CPZ: variants seen among roughly 807,000 people sequenced by gnomAD.
CPZ encodes the protein VEZT/CPZ fusion.
CPZ carries 103 observed loss-of-function variants against 61.8 expected under a neutral mutation model. The observed-to-expected ratio is 1.67, with a 90% CI of 1.42 to 1.96. CPZ has a LOEUF of 1.96. Among genes scored for constraint, CPZ ranks in the 30% most tolerant of loss-of-function variants. The probability of loss-of-function intolerance (pLI) is 0.00; values close to 1 mark genes in which losing one functional copy is unlikely to be tolerated. For missense variants in CPZ, 1,461 were observed against 914.9 expected (o/e 1.60, Z -7.70); for synonymous variants, 551 against 373.7 (o/e 1.47, Z -5.47).
chr4:8,613,103 A>G (rs1715850954), intron 8 of CPZ, among the ~76,000 whole-genome samples: 1 of 149,248 alleles, frequency 6.7e-6, no homozygotes, highest in Non-Finnish European at 1.5e-5. Flanking sequence ...GACACCCACG[A>G]GCAGAGCTGG....
intron 8 of CPZ, among the ~76,000 whole-genome samples, chr4:8,613,755 G>A (rs1034215313): frequency 2.0e-5 from 3 of 152,238 alleles, no homozygotes; most frequent in Non-Finnish European, 4.4e-5. Flanking sequence ...TTGCTCTGAG[G>A]CCTTCTCGGC....
At chr4:8,614,231 G>A (rs979097761) in intron 8 of CPZ, 128 bp from the exon 9 acceptor site, 47 of 1,315,924 alleles carry the variant, frequency 3.6e-5, no homozygotes, top group Admixed American at 4.8e-5. Flanking sequence ...ACACCCCGAC[G>A]TCCCGGCTGT....
At chr4:8,608,737 G>A (rs546644056) in intron 7 of CPZ, among the ~76,000 whole-genome samples, 4 of 152,008 alleles carry the variant, frequency 2.6e-5, no homozygotes, top group Non-Finnish European at 4.4e-5. Flanking sequence ...CTGAGGTGGC[G>A]GTTTCCCAAA....
Position 8,601,251 on chromosome 4 carries a change from G to C in CPZ, c.250G>C (p.Val84Leu). Residue 84 changes from valine to leucine, a missense_variant, in exon 3 of 11, where the codon GTT (valine) becomes CTT (leucine). By Grantham distance (32) the Val-to-Leu change is conservative (BLOSUM62 1). Coordinates refer to ENST00000360986, the MANE Select transcript of CPZ (RefSeq NM_001014447.3). ...EASSEYILLSVLHQLLEGQCN... is the reference protein window; with the variant it reads ...EASSEYILLSLLHQLLEGQCN... Reference sequence around the variant, plus strand: ...CAGCTCCGAGTACATCCTGCTGAGCGTTCTACACCAGCTCCTGGAAGGCCA... The same window carrying C: ...CAGCTCCGAGTACATCCTGCTGAGCCTTCTACACCAGCTCCTGGAAGGCCA... 2 of 1,613,580 alleles carry C rather than the reference G, an allele frequency of 1.2e-6. No individual in the cohort carries two copies. The highest frequency in any genetic ancestry group is 1.7e-6 in the Non-Finnish European group (2 of 1,179,948).
chr4:8,601,367 C>T lies in CPZ; in HGVS notation c.366C>T (p.Cys122=), dbSNP rs143245050. The T allele has an allele frequency of 9.1e-4, 1,449 of 1,600,734 alleles. 2 individuals are homozygous for T. Among genetic ancestry groups the T allele is most frequent in the Non-Finnish European group, 1.2e-3 (1,376 of 1,171,670 alleles). Residue 122 remains cysteine (C), a synonymous_variant, in exon 3 of 11, where the codon TGC becomes TGT. Coordinates refer to ENST00000360986, the MANE Select transcript of CPZ (RefSeq NM_001014447.3). ...GWVRRPCRHI[C]EGLREVCQPA... is the part of the protein sequence containing the mutation. ...TGCGCAGACCCTGCCGGCACATCTG[C>T]GAGGGCCTGCGGGAGGTCTGCCAGC...
At chr4:8,609,901 A>C (rs1715509533) in intron 7 of CPZ, among the ~76,000 whole-genome samples, 1 of 152,140 alleles carries the variant, frequency 6.6e-6, no homozygotes, top group African/African-American at 2.4e-5. Context: ...GGGGTGTGCC[A>C]AGGTACCCTT....
At chr4:8,598,301 G>A (rs375549034) in intron 1 of CPZ, among the ~76,000 whole-genome samples, 1 of 152,218 alleles carries the variant, frequency 6.6e-6, no homozygotes, top group Non-Finnish European at 1.5e-5. Context: ...GGAGCTGCCT[G>A]GCCACAGAGC....
chr4:8,616,705 G>A (rs959598832), intron 9 of CPZ, among the ~76,000 whole-genome samples: 10 of 152,172 alleles, frequency 6.6e-5, no homozygotes, highest in Non-Finnish European at 1.2e-4. Context: ...GTGGCTGAGG[G>A]GCATGGTGGC....
intron 1 of CPZ, chr4:8,597,686 C>T (rs1490385732): frequency 3.9e-5 from 6 of 152,304 alleles, no homozygotes; most frequent in Non-Finnish European, 8.8e-5. Flanking sequence ...TGCTCTCCCA[C>T]ACTCAGCACA....
intron 7 of CPZ, 56 bp from the exon 8 acceptor site, chr4:8,611,971 T>G: frequency 6.2e-7 from 1 of 1,611,578 alleles, no homozygotes; most frequent in Non-Finnish European, 8.5e-7. Context: ...TGACCCCAGC[T>G]CACAGGACGT....
intron 9 of CPZ, 90 bp from the exon 10 acceptor site, chr4:8,618,339 T>C (rs1469593465): frequency 1.6e-6 from 2 of 1,265,688 alleles, no homozygotes; most frequent in Non-Finnish European, 2.3e-6. Flanking sequence ...GATACCAAGC[T>C]CTGAGGAGCA....
chr4:8,609,059 A>ACTCC (rs149657285), intron 7 of CPZ, among the ~76,000 whole-genome samples: 1 of 117,930 alleles, frequency 8.5e-6, no homozygotes, highest in Non-Finnish European at 1.7e-5. Context: ...TCCCTCCCTC[A>ACTCC]CTCCCTCACT....
intron 7 of CPZ, among the ~76,000 whole-genome samples, chr4:8,608,523 C>A (rs947524671): frequency 6.6e-6 from 1 of 152,158 alleles, no homozygotes; most frequent in Non-Finnish European, 1.5e-5. Context: ...CTGGGGCCAT[C>A]ATTGGGAATG....
intron 4 of CPZ, 77 bp downstream of exon 4, chr4:8,604,265 G>A: frequency 7.3e-7 from 1 of 1,376,634 alleles, no homozygotes; most frequent in Non-Finnish European, 9.7e-7. Context: ...GGGTGCACAA[G>A]TTGGTGGGGT....
At chr4:8,607,155 G>C (rs1325479408) in intron 6 of CPZ, 112 bp from the exon 7 acceptor site, 128 of 1,316,552 alleles carry the variant, frequency 9.7e-5, no homozygotes, top group Non-Finnish European at 1.2e-4. Context: ...TTGATGTAGA[G>C]ACCGTTAATA....
intron 1 of CPZ, among the ~76,000 whole-genome samples, chr4:8,594,122 G>A (rs1311087682): frequency 6.6e-6 from 1 of 152,228 alleles, no homozygotes; most frequent in African/African-American, 2.4e-5. Flanking sequence ...CAGGATGCAT[G>A]GGCTGGTCTC....
Position 8,607,399 on chromosome 4 carries a change from A to G in CPZ, c.1201A>G (p.Met401Val), listed in dbSNP as rs777825637. The change falls in exon 7 of 11, where the codon ATG (methionine) becomes GTG (valine). Residue 401 changes from methionine to valine, a missense_variant. By Grantham distance (21) the Met-to-Val change is conservative. Transcript: ENST00000360986. ...CTCCAAGCACCCCCAGGAGGAGAAG[A>G]TGTTTTCTCCCACGCCCGACGAGAA... is the stretch of plus-strand genomic sequence containing the variant. Reference protein sequence around the residue: ...DFSKHPQEEKMFSPTPDEKMF... With the variant: ...DFSKHPQEEKVFSPTPDEKMF... 11 of 1,613,872 alleles carry G rather than the reference A, an allele frequency of 6.8e-6. No individual in the cohort carries two copies. The African/African-American group carries it at 1.5e-4, about 22-fold the overall frequency.
intron 1 of CPZ, among the ~76,000 whole-genome samples, chr4:8,594,150 G>A (rs776134506): frequency 4.6e-5 from 7 of 152,358 alleles, no homozygotes; most frequent in Non-Finnish European, 7.3e-5. Context: ...GGCAGGTGCT[G>A]AGCACAGCCG....
Position 8,614,504 on chromosome 4 carries a change from TTCTGACGG to T in CPZ, c.1503+10_1503+17del. On this transcript the variant is annotated splice_region_variant and intron_variant, in intron 9 of 10. Coordinates refer to ENST00000360986, the MANE Select transcript of CPZ (RefSeq NM_001014447.3). ...TCCTGAATTTCGTGGAGACGGTGAG[TTCTGACGG>T]TCTCAGGGCTCTGGTCCAGCTGTGG... 1 of 1,612,442 alleles carries T rather than the reference TTCTGACGG, an allele frequency of 6.2e-7. No individual in the cohort carries two copies.
Sources: allele counts gnomAD v4.1 joint callset (sites outside exome capture counted in the v4.1 genomes callset), GRCh38; gene constraint gnomAD v4.1.1; transcripts MANE v1.5; gene names NCBI Gene and HGNC (gene_info 2026-07-23, HGNC 2026-07-21).